DLG2: variants seen among roughly 807,000 people sequenced by gnomAD.
DLG2 encodes disks large homolog 2.
A neutral mutation model predicts 132.5 loss-of-function variants in DLG2; 45 were observed. The ratio of observed to expected loss-of-function variants is 0.34; its 90% CI spans 0.27 to 0.44. DLG2 has a LOEUF of 0.44. Ranked by LOEUF, DLG2 falls within the 20% of genes least tolerant of loss-of-function variation. The pLI, the probability that DLG2 is intolerant of heterozygous loss-of-function variation, is 1.00. For synonymous variants in DLG2, 424 were observed against 419.6 expected (o/e 1.01, Z -0.13); for missense variants, 1,045 against 1,196.9 (o/e 0.87, Z 1.87).
chr11:83,810,481 T>C (rs556437041), intron 17 of DLG2, among the ~76,000 whole-genome samples: 2 of 152,234 alleles, frequency 1.3e-5, no homozygotes, highest in East Asian at 3.9e-4. Context: ...GGGATAGGTA[T>C]ATTTTCAAGA....
chr11:83,528,994 G>C (rs943687520), intron 21 of DLG2, among the ~76,000 whole-genome samples: 2 of 151,950 alleles, frequency 1.3e-5, no homozygotes, highest in African/African-American at 4.8e-5. Flanking sequence ...CTTATAGCTC[G>C]TGTACATACT....
intron 11 of DLG2, among the ~76,000 whole-genome samples, chr11:84,005,601 G>T (rs746025210): frequency 5.3e-5 from 8 of 151,666 alleles, no homozygotes; most frequent in Non-Finnish European, 7.4e-5. Flanking sequence ...TCTGACAAGC[G>T]ACTAATATCC....
At chr11:84,499,704 TTC>T (rs1466567922) in intron 7 of DLG2, among the ~76,000 whole-genome samples, 1 of 152,158 alleles carries the variant, frequency 6.6e-6, no homozygotes, top group Non-Finnish European at 1.5e-5. Context: ...TTTTTCACTG[TTC>T]TCTCTTTCTG....
At chr11:84,030,811 G>A (rs576647855) in intron 11 of DLG2, among the ~76,000 whole-genome samples, 2 of 152,084 alleles carry the variant, frequency 1.3e-5, no homozygotes, top group Non-Finnish European at 2.9e-5. Context: ...CTAACAACAG[G>A]GAAAATGTAT....
chr11:83,860,601 A>T (rs1325913855), intron 16 of DLG2, among the ~76,000 whole-genome samples: 4 of 152,242 alleles, frequency 2.6e-5, no homozygotes, highest in Non-Finnish European at 5.9e-5. Context: ...GATGGAAGCA[A>T]CTTGCCTTAT....
intron 11 of DLG2, among the ~76,000 whole-genome samples, chr11:84,016,160 G>C (rs550823167): frequency 2.0e-4 from 30 of 151,756 alleles, no homozygotes; most frequent in Non-Finnish European, 1.0e-4. Flanking sequence ...TTTCATGTTT[G>C]TTGGCCACAC....
chr11:85,495,303 TA>T (rs2093645654), intron 3 of DLG2, among the ~76,000 whole-genome samples: 1 of 152,122 alleles, frequency 6.6e-6, no homozygotes, highest in Non-Finnish European at 1.5e-5. Flanking sequence ...CTCTAAAATC[TA>T]GCAATTCATC....
intron 15 of DLG2, among the ~76,000 whole-genome samples, chr11:83,905,239 T>C (rs1478835026): frequency 6.6e-6 from 1 of 152,184 alleles, no homozygotes; most frequent in East Asian, 1.9e-4. Context: ...GTGAGGAAAC[T>C]GAGGCAGGGG....
Position 83,759,526 on chromosome 11 carries a change from A to AT in DLG2, c.1825+27163dup, listed in dbSNP as rs376738901. Reference sequence around the variant, plus strand: ...CTTTGCTTTCCAGCTGTTTTTATTGATTTTTTTTTCATTGTAGGACTTTAA... The same window carrying AT: ...CTTTGCTTTCCAGCTGTTTTTATTGATTTTTTTTTTCATTGTAGGACTTTAA... On this transcript the variant is annotated intron_variant, in intron 18 of 27. Transcript: ENST00000376104. Among the ~76,000 whole-genome samples, 96 of 151,310 alleles carry AT rather than the reference A, an allele frequency of 6.3e-4. No individual in the cohort carries two copies. In the Middle Eastern group the frequency reaches 0.01, roughly 16 times the overall value.
intron 9 of DLG2, among the ~76,000 whole-genome samples, chr11:84,137,454 A>G (rs373728644): frequency 4.6e-5 from 7 of 150,720 alleles, no homozygotes; most frequent in African/African-American, 1.5e-4. Context: ...GTGTGTGTGT[A>G]TGTGTGTGCG....
intron 11 of DLG2, among the ~76,000 whole-genome samples, chr11:84,041,154 G>A (rs559611823): frequency 5.9e-5 from 9 of 152,022 alleles, no homozygotes; most frequent in African/African-American, 2.2e-4. Flanking sequence ...AAGCTGAATG[G>A]CATTACAGTA....
chr11:84,077,432 C>T (rs1019095326), intron 10 of DLG2, among the ~76,000 whole-genome samples: 1 of 152,192 alleles, frequency 6.6e-6, no homozygotes, highest in Admixed American at 6.5e-5. Context: ...AAACACTCTT[C>T]TGCATTCTGT....
At chr11:83,807,439 A>G (rs906489773) in intron 17 of DLG2, among the ~76,000 whole-genome samples, 1 of 152,180 alleles carries the variant, frequency 6.6e-6, no homozygotes, top group African/African-American at 2.4e-5. Flanking sequence ...GTGAGTTTCC[A>G]TGGTTAGTTG....
intron 6 of DLG2, among the ~76,000 whole-genome samples, chr11:85,079,590 G>A (rs573350142): frequency 6.6e-6 from 1 of 151,938 alleles, no homozygotes; most frequent in East Asian, 2.0e-4. Flanking sequence ...CATTTCCAAG[G>A]CGGCACAGCT....
chr11:83,494,686 GA>G (rs1016040051), intron 21 of DLG2, among the ~76,000 whole-genome samples: 1 of 151,674 alleles, frequency 6.6e-6, no homozygotes, highest in Non-Finnish European at 1.5e-5. Flanking sequence ...GATGAGGTGA[GA>G]ACTCTAAAGG....
intron 6 of DLG2, among the ~76,000 whole-genome samples, chr11:84,783,566 A>T (rs1385957365): frequency 6.6e-6 from 1 of 152,112 alleles, no homozygotes; most frequent in Non-Finnish European, 1.5e-5. Flanking sequence ...ATGGCATCTA[A>T]ATTTTGTACT....
rs147856258 is a variant in DLG2 at position 85,473,235 on chromosome 11, G to A, written c.40+125422C>T. On this transcript the variant is annotated intron_variant, in intron 3 of 27. Coordinates refer to ENST00000376104, the MANE Select transcript of DLG2 (RefSeq NM_001142699.3). ...GCACAGCCTGCTGGGCTGAGTGGGCGGAGCTAGCTCAGTCATCCTGAGTGA... is the reference window on the plus strand; with the variant it reads ...GCACAGCCTGCTGGGCTGAGTGGGCAGAGCTAGCTCAGTCATCCTGAGTGA... Among the ~76,000 whole-genome samples the A allele has an allele frequency of 9.0e-3, 1,373 of 152,294 alleles. 67 individuals are homozygous for A. Among genetic ancestry groups the A allele is most frequent in the Non-Finnish European group, 1.7e-3 (114 of 68,030 alleles).
At chr11:83,533,973 G>C (rs968744867) in intron 20 of DLG2, among the ~76,000 whole-genome samples, 6 of 152,154 alleles carry the variant, frequency 3.9e-5, no homozygotes, top group African/African-American at 1.4e-4. Context: ...CATAGTCCAG[G>C]TGAGAAATAA....
chr11:85,276,280 G>C (rs2077886832), intron 4 of DLG2, among the ~76,000 whole-genome samples: 1 of 152,060 alleles, frequency 6.6e-6, no homozygotes, highest in Admixed American at 6.6e-5. Flanking sequence ...TTTTTTGCCA[G>C]GATAGTCTGC....
Sources: allele counts gnomAD v4.1 joint callset (sites outside exome capture counted in the v4.1 genomes callset), GRCh38; gene constraint gnomAD v4.1.1; transcripts MANE v1.5; gene names NCBI Gene and HGNC (gene_info 2026-07-23, HGNC 2026-07-21).